Variants in ADGRL3 observed in about 807,000 individuals in gnomAD.
ADGRL3 encodes adhesion G protein-coupled receptor L3, also known as calcium-independent alpha-latrotoxin receptor 3.
A neutral mutation model predicts 153.5 loss-of-function variants in ADGRL3; 62 were observed. That is an observed-to-expected ratio of 0.40 (90% CI 0.33 to 0.50). The LOEUF (loss-of-function observed/expected upper bound fraction) is 0.50. ADGRL3 is among the 20% of genes least tolerant of loss of function. The pLI, the probability that ADGRL3 is intolerant of heterozygous loss-of-function variation, is 0.47. For missense variants in ADGRL3, 1,641 were observed against 1,859.4 expected (o/e 0.88, Z 2.16); for synonymous variants, 710 against 672.5 (o/e 1.06, Z -0.86).
intron 2 of ADGRL3, among the ~76,000 whole-genome samples, chr4:61,408,925 G>T (rs1160714391): frequency 6.6e-6 from 1 of 151,620 alleles, no homozygotes; most frequent in African/African-American, 2.4e-5. Flanking sequence ...AAATAAAGCT[G>T]TTGATTCTTT....
intron 8 of ADGRL3, among the ~76,000 whole-genome samples, chr4:61,764,754 G>A (rs371754090): frequency 5.3e-5 from 8 of 151,998 alleles, no homozygotes; most frequent in South Asian, 2.1e-4. Flanking sequence ...GTGTTGGGGC[G>A]GTGAAAATTT....
rs1228933042 is a variant in ADGRL3 at position 61,535,532 on chromosome 4, T to C, written c.259+18014T>C. On this transcript the variant is annotated intron_variant, in intron 4 of 26. Coordinates refer to ENST00000683033, the MANE Select transcript of ADGRL3 (RefSeq NM_001387552.1). ...ATTGGTACCAACTTTTCTTTGTACA[T>C]CTGGTAGAATTCAGGTGTGAATCCA... Among the ~76,000 whole-genome samples the C allele has an allele frequency of 2.0e-5, 3 of 152,122 alleles. No individual in the cohort carries two copies. The East Asian group carries it at 5.8e-4, about 29-fold the overall frequency.
intron 4 of ADGRL3, among the ~76,000 whole-genome samples, chr4:61,550,496 T>C (rs920504740): frequency 6.6e-6 from 1 of 152,090 alleles, no homozygotes; most frequent in Admixed American, 6.6e-5. Context: ...TATACCCCAA[T>C]TGGACATGAC....
chr4:61,667,874 C>A (rs2094854158), intron 5 of ADGRL3, among the ~76,000 whole-genome samples: 1 of 152,058 alleles, frequency 6.6e-6, no homozygotes, highest in South Asian at 2.1e-4. Context: ...GAATAATGAC[C>A]ACTTTAGCCA....
intron 1 of ADGRL3, among the ~76,000 whole-genome samples, chr4:61,262,246 T>C (rs1438859847): frequency 6.6e-6 from 1 of 152,132 alleles, no homozygotes; most frequent in Admixed American, 6.5e-5. Flanking sequence ...TTATTATGTA[T>C]CATATGTGTT....
At chr4:61,788,640 C>T (rs1246278205) in intron 8 of ADGRL3, among the ~76,000 whole-genome samples, 3 of 152,018 alleles carry the variant, frequency 2.0e-5, no homozygotes, top group Non-Finnish European at 4.4e-5. Flanking sequence ...TTTAACACCC[C>T]CAAAAGATCA....
chr4:61,742,188 A>T (rs2096588762), intron 8 of ADGRL3, among the ~76,000 whole-genome samples: 1 of 152,212 alleles, frequency 6.6e-6, no homozygotes, highest in African/African-American at 2.4e-5. Context: ...TGACTCTATT[A>T]CGTAATAGCT....
chr4:61,842,085 T>G (rs2098041480), intron 9 of ADGRL3, among the ~76,000 whole-genome samples: 1 of 152,168 alleles, frequency 6.6e-6, no homozygotes, highest in African/African-American at 2.4e-5. Context: ...ACAACAGAAT[T>G]TCATAACACA....
chr4:61,911,606 T>C (rs2098722182), intron 12 of ADGRL3, among the ~76,000 whole-genome samples: 1 of 152,124 alleles, frequency 6.6e-6, no homozygotes, highest in Non-Finnish European at 1.5e-5. Flanking sequence ...GTATTGAAAT[T>C]CTGGAGGGTT....
intron 4 of ADGRL3, among the ~76,000 whole-genome samples, chr4:61,539,554 T>G (rs1206680177): frequency 6.6e-6 from 1 of 152,082 alleles, no homozygotes. Flanking sequence ...GGTGATGTGG[T>G]GACAGAAAGG....
intron 21 of ADGRL3, among the ~76,000 whole-genome samples, chr4:61,998,814 T>C (rs934151909): frequency 6.6e-6 from 1 of 152,062 alleles, no homozygotes; most frequent in Non-Finnish European, 1.5e-5. Flanking sequence ...TGACCTCAGA[T>C]GATCTGCCTG....
At chr4:61,316,568 A>G (rs939273566) in intron 1 of ADGRL3, among the ~76,000 whole-genome samples, 1 of 152,214 alleles carries the variant, frequency 6.6e-6, no homozygotes, top group Non-Finnish European at 1.5e-5. Context: ...TTTACACCGT[A>G]AAAAGATCAT....
Position 61,272,491 on chromosome 4 carries a change from A to G in ADGRL3, c.-240+70726A>G, listed in dbSNP as rs533251729. On this transcript the variant is annotated intron_variant, in intron 1 of 26. Transcript: ENST00000683033. Reference sequence around the variant, plus strand: ...TTTTATGTAATGAGGACTATAGGACAGATTTTACTTTATGAGCATTCATTT... The same window carrying G: ...TTTTATGTAATGAGGACTATAGGACGGATTTTACTTTATGAGCATTCATTT... Among the ~76,000 whole-genome samples the G allele has an allele frequency of 1.4e-3, 216 of 152,244 alleles. 2 individuals carry two copies. The highest frequency in any genetic ancestry group is 5.0e-3 in the South Asian group (24 of 4,824).
chr4:61,558,824 A>T (rs879339392), intron 4 of ADGRL3, among the ~76,000 whole-genome samples: 1 of 152,044 alleles, frequency 6.6e-6, no homozygotes, highest in Non-Finnish European at 1.5e-5. Flanking sequence ...GAATCTTATT[A>T]AGCCCTGGCA....
chr4:61,982,464 G>A (rs925585596), intron 18 of ADGRL3, among the ~76,000 whole-genome samples: 2 of 152,054 alleles, frequency 1.3e-5, no homozygotes, highest in African/African-American at 4.8e-5. Context: ...CATTTCATAA[G>A]GATCATACTC....
chr4:61,370,373 A>G (rs1386221037), intron 1 of ADGRL3, among the ~76,000 whole-genome samples: 1 of 151,464 alleles, frequency 6.6e-6, no homozygotes, highest in Non-Finnish European at 1.5e-5. Context: ...ATGTAGTGCT[A>G]TAAATTTCCG....
intron 2 of ADGRL3, among the ~76,000 whole-genome samples, chr4:61,489,257 C>G (rs933771797): frequency 6.6e-6 from 1 of 151,724 alleles, no homozygotes; most frequent in African/African-American, 2.4e-5. Flanking sequence ...TAAAACTGTC[C>G]TTTTCACACT....
At chr4:61,979,427 A>G (rs1308091406) in intron 17 of ADGRL3, 136 bp from the exon 18 acceptor site, 1 of 727,458 alleles carries the variant, frequency 1.4e-6, no homozygotes, top group Non-Finnish European at 2.4e-6. Context: ...CAAATCATTA[A>G]GTTACTTTAT....
chr4:61,378,796 T>A (rs1176423599), intron 1 of ADGRL3, among the ~76,000 whole-genome samples: 10 of 151,886 alleles, frequency 6.6e-5, no homozygotes, highest in Non-Finnish European at 1.2e-4. Context: ...AAAAATGAAG[T>A]CTTAGGTTGT....
Sources: allele counts gnomAD v4.1 joint callset (sites outside exome capture counted in the v4.1 genomes callset), GRCh38; gene constraint gnomAD v4.1.1; transcripts MANE v1.5; gene names NCBI Gene and HGNC (gene_info 2026-07-23, HGNC 2026-07-21).